SALL4: variants seen among roughly 807,000 people sequenced by gnomAD.
SALL4 encodes the protein sal-like protein 4.
SALL4 carries 4 observed loss-of-function variants against 60.8 expected under a neutral mutation model. The ratio of observed to expected loss-of-function variants is 0.07; its 90% confidence interval spans 0.03 to 0.15. The LOEUF is 0.15. Ranked by LOEUF, SALL4 falls within the 10% of genes least tolerant of loss-of-function variation. SALL4 has a pLI of 1.00. For synonymous variants in SALL4, 580 were observed against 574.9 expected, an observed-to-expected ratio of 1.01 and a Z score of -0.13; for missense variants, 1,178 against 1,394.7, an observed-to-expected ratio of 0.84 and a Z score of 2.48.
intron 1 of SALL4, among the ~76,000 whole-genome samples, chr20:51,799,128 T>C (rs571455567): frequency 6.6e-6 from 1 of 152,176 alleles, no homozygotes; most frequent in Non-Finnish European, 1.5e-5. Flanking sequence ...CAACACCATC[T>C]TGACACAATA....
Position 51,785,718 on chromosome 20 carries a change from G to T in SALL4, c.2743-1034C>A, listed in dbSNP as rs528461520. 2.0e-5 allele frequency among the ~76,000 whole-genome samples: 3 copies of T among 150,718 alleles called. No homozygotes were observed. In the East Asian group the frequency reaches 6.0e-4, roughly 30 times the overall value. On this transcript the variant is annotated intron_variant, in intron 3 of 3. Coordinates refer to ENST00000217086, the MANE Select transcript of SALL4 (RefSeq NM_020436.5). The stretch of plus-strand genomic sequence containing the variant: ...GAGTGCAGTGGCGCAATCTCGGCTC[G>T]CTGCAACCTCCGCCTCCCGGGTTCA...
chr20:51,793,381 C>T (rs1392642100), intron 1 of SALL4, among the ~76,000 whole-genome samples: 2 of 152,012 alleles, frequency 1.3e-5, no homozygotes, highest in Admixed American at 1.3e-4. Flanking sequence ...CAAGCAACTC[C>T]AGAGGCTGAG....
chr20:51,784,450 C>T lies in SALL4; in HGVS notation c.2977G>A (p.Gly993Arg), dbSNP rs138891224. The change falls in exon 4 of 4, where the codon GGG becomes AGG. Residue 993 changes from glycine (G) to arginine (R), a missense_variant. Coordinates refer to ENST00000217086, the MANE Select transcript of SALL4 (RefSeq NM_020436.5). ...GAAACCGGGAGGGTAGGAACCCCCC[C>T]ACTCTGGATCACAGAGATCTCATTG... Reference protein sequence around the residue: ...KTNEISVIQSGGVPTLPVSLG... With the variant: ...KTNEISVIQSRGVPTLPVSLG... 1.2e-4 allele frequency: 189 copies of T among 1,614,192 alleles called. 1 individual carries two copies. The South Asian group carries it at 1.7e-3, about 14-fold the overall frequency.
At chr20:51,787,453 A>C (rs915648799) in intron 3 of SALL4, among the ~76,000 whole-genome samples, 7 of 152,134 alleles carry the variant, frequency 4.6e-5, no homozygotes, top group Non-Finnish European at 7.3e-5. Context: ...AAATATAGAG[A>C]ACATCAATGT....
At chr20:51,793,024 T>C in intron 1 of SALL4, 1 of 974,840 alleles carries the variant, frequency 1.0e-6, no homozygotes, top group Non-Finnish European at 1.2e-6. Context: ...TACAATGATC[T>C]AGGTTTTCTT....
At chr20:51,792,493 A>G (rs1262426341) in intron 1 of SALL4, 141 bp from the exon 2 acceptor site, 1 of 1,067,224 alleles carries the variant, frequency 9.4e-7, no homozygotes, top group Non-Finnish European at 1.4e-6. Context: ...ATTCAAGACC[A>G]GTCTGGCCAA....
At chr20:51,786,246 C>G (rs141816791) in intron 3 of SALL4, among the ~76,000 whole-genome samples, 10 of 151,728 alleles carry the variant, frequency 6.6e-5, no homozygotes, top group Non-Finnish European at 1.3e-4. Context: ...ACCGCCACCA[C>G]GCCCGGCTAA....
rs1380908638 is a variant in SALL4 at position 51,791,557 on chromosome 20, C to T, written c.926G>A (p.Gly309Glu). ...CGGCTTCAGAGTGAAGGGTGCCAGC[C>T]CTGGGGACAGGGAGCTGGTGGCAGA... ...IPSATSSLSP[G>E]LAPFTLKPDG... is the part of the protein sequence containing the mutation. The change falls in exon 2 of 4, where the codon GGG becomes GAG. Residue 309 changes from glycine (G) to glutamate (E), a missense_variant. By Grantham distance (98) the Gly-to-Glu change is moderately conservative (BLOSUM62 -2). Coordinates refer to ENST00000217086, the MANE Select transcript of SALL4 (RefSeq NM_020436.5). The surrounding 1 kb of genome is among the most constrained non-coding windows in gnomAD (Gnocchi z 4.6). 1 of 1,613,810 alleles carries T rather than the reference C, an allele frequency of 6.2e-7. No homozygotes were observed. The highest frequency in any genetic ancestry group is 2.2e-5 in the East Asian group (1 of 44,874).
In SALL4 at chr20:51,783,823, C is replaced by G; in HGVS notation, c.*442G>C. ...GGATCACGAGGTCAGCAGTTCGAGA[C>G]CAGCCTGACCAACATGGTGAAACCC... On this transcript the variant is annotated 3_prime_UTR_variant, in exon 4 of 4. Coordinates refer to ENST00000217086, the MANE Select transcript of SALL4 (RefSeq NM_020436.5). 5.1e-6 allele frequency: 1 copy of G among 196,278 alleles called. No homozygotes were observed. The allele number at this position is 196,278 out of a possible 1,614,324, so 12.2% of individuals were successfully genotyped here.
In SALL4 at chr20:51,790,704, C is replaced by T. The variant is rs147254025; in HGVS notation, c.1779G>A (p.Pro593=). The change falls in exon 2 of 4, where the codon CCG becomes CCA. Residue 593 remains proline (P), a synonymous_variant. Transcript: ENST00000217086. The surrounding 1 kb of genome is among the most constrained non-coding windows in gnomAD (Gnocchi z 5.5). ...CTCGGCCACAGATCTTACACTGGAA[C>T]GGTCTCTCCCCGGTGTGGGTGCGAT... The part of the protein sequence containing the change: ...MHYRTHTGER[P]FQCKICGRAF... 1.7e-5 allele frequency: 27 copies of T among 1,614,014 alleles called. No individual in the cohort carries two copies. Among genetic ancestry groups the T allele is most frequent in the Middle Eastern group, 1.6e-4 (1 of 6,084 alleles).
chr20:51,786,624 A>T (rs1183318240), intron 3 of SALL4, among the ~76,000 whole-genome samples: 1 of 152,228 alleles, frequency 6.6e-6, no homozygotes, highest in Non-Finnish European at 1.5e-5. Flanking sequence ...AAAATGGGAA[A>T]ATCTGAATGT....
intron 1 of SALL4, among the ~76,000 whole-genome samples, chr20:51,800,661 G>A (rs2078103878): frequency 6.6e-6 from 1 of 152,144 alleles, no homozygotes; most frequent in Admixed American, 6.5e-5. Flanking sequence ...GAAGCAGGCG[G>A]GCTGAGGGTT....
At position 51,788,747 on chromosome 20, in the gene SALL4, A is replaced by C; in HGVS notation, c.2742+114T>G. 6.4e-6 allele frequency: 8 copies of C among 1,256,894 alleles called. No individual in the cohort carries two copies. The highest frequency in any genetic ancestry group is 9.2e-6 in the Non-Finnish European group (8 of 868,782). 77.9% of individuals were successfully genotyped at this position (1,256,894 alleles called of 1,614,324 possible). A position where few individuals can be genotyped will look rare whatever the true frequency, so the allele number is the denominator to read the frequency against. ...ACTCCTGGACTCAAGCAATCCTCCC[A>C]CCTCGGCCTCCCAAAGGAGGAATGG... On this transcript the variant is annotated intron_variant, in intron 3 of 3. Transcript: ENST00000217086. This position sits in a 1 kb window ranked among gnomAD's most constrained non-coding sequence, Gnocchi z 4.1.
At chr20:51,792,919 C>T (rs1365949359) in intron 1 of SALL4, 25 of 997,308 alleles carry the variant, frequency 2.5e-5, no homozygotes, top group Non-Finnish European at 2.9e-5. Flanking sequence ...ATCAAGATAT[C>T]AATGGAGCTT....
chr20:51,790,309 G>C lies in SALL4; in HGVS notation c.2174C>G (p.Ala725Gly). 6.2e-7 allele frequency: 1 copy of C among 1,614,176 alleles called. No homozygotes were observed. Among genetic ancestry groups the C allele is most frequent in the African/African-American group, 1.3e-5 (1 of 75,046 alleles). Residue 725 changes from alanine (A) to glycine (G), a missense_variant, in exon 2 of 4, where the codon GCC becomes GGC. Ala to Gly is a moderately conservative substitution (Grantham distance 60). Coordinates refer to ENST00000217086, the MANE Select transcript of SALL4 (RefSeq NM_020436.5). This position sits in a 1 kb window ranked among gnomAD's most constrained non-coding sequence, Gnocchi z 5.5. ...IHSASPTLGFAMMASLDAPGK... is the reference protein window; with the variant it reads ...IHSASPTLGFGMMASLDAPGK... ...TGGGGCATCTAAGGAAGCCATCATG[G>C]CAAACCCTAGCGTGGGTGATGCCGA... is the stretch of plus-strand genomic sequence containing the variant.
Position 51,801,655 on chromosome 20 carries a change from C to T in SALL4, c.130+624G>A, listed in dbSNP as rs992531459. ...AAAGGGAAACATTGAGCCCTCCTCCCCCACCTCTCTGGGCCCTCCAATCCC... is the reference window on the plus strand; with the variant it reads ...AAAGGGAAACATTGAGCCCTCCTCCTCCACCTCTCTGGGCCCTCCAATCCC... On this transcript the variant is annotated intron_variant, in intron 1 of 3. Coordinates refer to ENST00000217086, the MANE Select transcript of SALL4 (RefSeq NM_020436.5). The surrounding 1 kb of genome is among the most constrained non-coding windows in gnomAD (Gnocchi z 5.2). The T allele has an allele frequency of 2.0e-5, 3 of 152,600 alleles. No individual in the cohort carries two copies. In the East Asian group the frequency reaches 5.8e-4, roughly 30 times the overall value. The allele number at this position is 152,600 out of a possible 1,614,324, so 9.5% of individuals were successfully genotyped here.
At chr20:51,786,393 C>T (rs557081602) in intron 3 of SALL4, among the ~76,000 whole-genome samples, 8 of 152,156 alleles carry the variant, frequency 5.3e-5, no homozygotes, top group South Asian at 4.2e-4. Context: ...TGCACCTGGC[C>T]GGCTAATTTA....
In SALL4 at chr20:51,782,957, C is replaced by T. The variant is rs556607348; in HGVS notation, c.*1308G>A. The T allele has an allele frequency of 3.3e-5, 5 of 152,270 alleles. No individual in the cohort carries two copies. In the South Asian group the frequency reaches 6.2e-4, roughly 19 times the overall value. The allele number at this position is 152,270 out of a possible 1,614,324, so 9.4% of individuals were successfully genotyped here. Reference sequence around the variant, plus strand: ...TAAATTAAAGCTTTCACACCCAGGACGTGCCTGTTCTAACTTCGTAGCCTT... The same window carrying T: ...TAAATTAAAGCTTTCACACCCAGGATGTGCCTGTTCTAACTTCGTAGCCTT... On this transcript the variant is annotated 3_prime_UTR_variant, in exon 4 of 4. Coordinates refer to ENST00000217086, the MANE Select transcript of SALL4 (RefSeq NM_020436.5).
chr20:51,790,476 C>T lies in SALL4; in HGVS notation c.2007G>A (p.Glu669=). The T allele has an allele frequency of 6.2e-7, 1 of 1,614,156 alleles. No homozygotes were observed. The highest frequency in any genetic ancestry group is 8.5e-7 in the Non-Finnish European group (1 of 1,180,046). The part of the protein sequence containing the change: ...PENPCDFTGS[E]PMTVGENGST... ...TGCCGTTCTCACCCACGGTCATTGG[C>T]TCAGAACCCGTAAAGTCACAGGGAT... Residue 669 remains glutamate, a synonymous_variant, in exon 2 of 4, where the codon GAG becomes GAA. Transcript: ENST00000217086. The surrounding 1 kb of genome is among the most constrained non-coding windows in gnomAD (Gnocchi z 5.5).
Sources: allele counts gnomAD v4.1 joint callset (sites outside exome capture counted in the v4.1 genomes callset), GRCh38; gene constraint gnomAD v4.1.1; non-coding constraint Gnocchi (gnomAD v3.1); transcripts MANE v1.5; gene names NCBI Gene and HGNC (gene_info 2026-07-23, HGNC 2026-07-21).